Variants in RTP2 observed in about 807,000 individuals in gnomAD.
RTP2 encodes receptor transporter protein 2.
A neutral mutation model predicts 17.9 loss-of-function variants in RTP2; 12 were observed. That is an observed-to-expected ratio of 0.67 (90% CI 0.43 to 1.09). The LOEUF is 1.09. Among genes scored for constraint, RTP2 ranks in the 50% least tolerant of loss-of-function variants. The probability of loss-of-function intolerance (pLI) is 0.00; values close to 1 mark genes in which losing one functional copy is unlikely to be tolerated. For synonymous variants in RTP2, 126 were observed against 117.7 expected (o/e 1.07, Z -0.46); for missense variants, 327 against 295.7 (o/e 1.11, Z -0.78).
intron 1 of RTP2, among the ~76,000 whole-genome samples, chr3:187,700,047 G>T (rs369839739): frequency 1.2e-4 from 19 of 152,332 alleles, no homozygotes; most frequent in Middle Eastern, 3.4e-3. Flanking sequence ...CCACTGGGCT[G>T]TCCCTGTCCT....
chr3:187,699,385 C>T (rs138711291), intron 1 of RTP2, among the ~76,000 whole-genome samples: 70 of 152,180 alleles, frequency 4.6e-4, no homozygotes, highest in African/African-American at 1.6e-3. Flanking sequence ...AGTGTGTTGG[C>T]GTCCAGTAAG....
chr3:187,699,728 TCCACACAC>T (rs1474724358), intron 1 of RTP2, among the ~76,000 whole-genome samples: 1 of 118,756 alleles, frequency 8.4e-6, no homozygotes, highest in African/African-American at 3.4e-5. Flanking sequence ...CCATTGCCAC[TCCACACAC>T]ACACACACAC....
the RTP2 span, among the ~76,000 whole-genome samples, chr3:187,710,987 C>T: frequency 6.6e-6 from 1 of 152,172 alleles, no homozygotes; most frequent in Non-Finnish European, 1.5e-5. Flanking sequence ...TCTGAAGCCC[C>T]ATTCTCTGCT....
At chr3:187,700,691 G>A (rs994065285) in intron 1 of RTP2, among the ~76,000 whole-genome samples, 10 of 152,196 alleles carry the variant, frequency 6.6e-5, no homozygotes, top group Admixed American at 6.5e-4. Context: ...TATCAGATCT[G>A]GGGGCAGGCG....
chr3:187,698,332 G>A (rs1176255242), exon 2 of RTP2: 3 of 606,576 alleles, frequency 4.9e-6, no homozygotes, highest in Non-Finnish European at 5.7e-6. Flanking sequence ...AAGAATCATT[G>A]CCTATCTTCT....
At chr3:187,698,800 G>T (rs865885461) in exon 2 of RTP2, 5 of 1,613,340 alleles carry the variant, frequency 3.1e-6, no homozygotes, top group Non-Finnish European at 4.2e-6. Flanking sequence ...CACTGCTCGC[G>T]CAGGCTGGTG....
At chr3:187,712,012 G>C in the RTP2 span, among the ~76,000 whole-genome samples, 1 of 152,214 alleles carries the variant, frequency 6.6e-6, no homozygotes, top group Non-Finnish European at 1.5e-5. Context: ...GACGATAAAA[G>C]GGTAGCACAA....
At chr3:187,699,862 G>T (rs1175343869) in intron 1 of RTP2, among the ~76,000 whole-genome samples, 1 of 152,070 alleles carries the variant, frequency 6.6e-6, no homozygotes, top group Non-Finnish European at 1.5e-5. Context: ...GTCTCAGGAA[G>T]TGTTGTGGGT....
At chr3:187,699,102 C>G in intron 1 of RTP2, 91 bp from the exon 2 acceptor site, 16 of 1,421,506 alleles carry the variant, frequency 1.1e-5, no homozygotes, top group Non-Finnish European at 1.5e-5. Flanking sequence ...AGCCTGTGTG[C>G]CCGTGCTTGG....
At chr3:187,708,959 T>C in the RTP2 span, among the ~76,000 whole-genome samples, 4 of 62,486 alleles carry the variant, frequency 6.4e-5, no homozygotes, top group African/African-American at 2.6e-4. Flanking sequence ...TAGGCCCAGT[T>C]TTTTTTTTCC....
At chr3:187,698,886 T>A in exon 2 of RTP2, 2 of 1,612,236 alleles carry the variant, frequency 1.2e-6, no homozygotes, top group Non-Finnish European at 1.7e-6. Flanking sequence ...GCCGCACTCA[T>A]AGCACAGCTG....
intron 1 of RTP2, among the ~76,000 whole-genome samples, chr3:187,699,309 T>C (rs1419463133): frequency 2.0e-5 from 3 of 152,102 alleles, no homozygotes; most frequent in Non-Finnish European, 2.9e-5. Flanking sequence ...GCACTCAAGG[T>C]TGCACCTGGG....
At chr3:187,698,609 C>T (rs151072029) in exon 2 of RTP2, 18 of 1,614,002 alleles carry the variant, frequency 1.1e-5, no homozygotes, top group Non-Finnish European at 1.4e-5. Context: ...CGGATCCCGC[C>T]TGGGCCCTCG....
chr3:187,710,842 G>A, the RTP2 span, among the ~76,000 whole-genome samples: 1 of 152,068 alleles, frequency 6.6e-6, no homozygotes, highest in Non-Finnish European at 1.5e-5. Flanking sequence ...CCACTCTGTT[G>A]GCACAAAGCT....
the RTP2 span, among the ~76,000 whole-genome samples, chr3:187,714,758 C>T: frequency 6.6e-6 from 1 of 152,084 alleles, no homozygotes; most frequent in Non-Finnish European, 1.5e-5. Context: ...AAGAGAGGGA[C>T]TGAAGGGAGG....
upstream of RTP2, among the ~76,000 whole-genome samples, chr3:187,703,630 C>A (rs1717912721): frequency 1.3e-5 from 2 of 152,170 alleles, no homozygotes; most frequent in Admixed American, 1.3e-4. Flanking sequence ...GTAGCTCAAA[C>A]CTCACTGGGG....
chr3:187,715,058 G>T, the RTP2 span, among the ~76,000 whole-genome samples: 1 of 151,574 alleles, frequency 6.6e-6, no homozygotes, highest in Non-Finnish European at 1.5e-5. Context: ...CAGGTTACAG[G>T]TTACAACCCT....
intron 1 of RTP2, among the ~76,000 whole-genome samples, chr3:187,700,417 T>A (rs1197417600): frequency 6.6e-6 from 1 of 152,152 alleles, no homozygotes; most frequent in African/African-American, 2.4e-5. Context: ...GTTCTTCAGC[T>A]CTTCCTGAGG....
upstream of RTP2, chr3:187,702,610 C>A (rs550105322): frequency 1.4e-3 from 617 of 456,406 alleles, 2 homozygotes; most frequent in Non-Finnish European, 2.4e-3. Context: ...TGCTTCCACA[C>A]CCCCTGATAT....
Sources: allele counts gnomAD v4.1 joint callset (sites outside exome capture counted in the v4.1 genomes callset), GRCh38; gene constraint gnomAD v4.1.1; transcripts MANE v1.5; gene names NCBI Gene and HGNC (gene_info 2026-07-23, HGNC 2026-07-21).